Variants in SLCO2A1 observed in about 807,000 individuals in gnomAD.
SLCO2A1 encodes the protein matrin F/G 1.
A neutral mutation model predicts 71.7 loss-of-function variants in SLCO2A1; 60 were observed. That is an observed-to-expected ratio of 0.84 (90% CI 0.68 to 1.04). SLCO2A1 has a LOEUF of 1.04. Among genes scored for constraint, SLCO2A1 ranks in the 50% least tolerant of loss-of-function variants. The pLI is 0.00. For missense variants in SLCO2A1, 745 were observed against 813.4 expected (o/e 0.92, Z 1.02); for synonymous variants, 308 against 326.7 (o/e 0.94, Z 0.62).
intron 1 of SLCO2A1, among the ~76,000 whole-genome samples, chr3:134,000,850 T>C (rs1368128441): frequency 2.6e-5 from 4 of 152,216 alleles, no homozygotes; most frequent in African/African-American, 9.7e-5. Context: ...ACCTTTTGCT[T>C]CTGCTCCCTG....
At chr3:134,013,370 G>A (rs975716482) in intron 1 of SLCO2A1, among the ~76,000 whole-genome samples, 4 of 152,124 alleles carry the variant, frequency 2.6e-5, no homozygotes, top group Admixed American at 1.3e-4. Flanking sequence ...AATCTCTTTG[G>A]CAGCCAAACG....
At chr3:133,967,006 G>T (rs547089498) in intron 3 of SLCO2A1, among the ~76,000 whole-genome samples, 14 of 152,340 alleles carry the variant, frequency 9.2e-5, no homozygotes, top group African/African-American at 3.1e-4. Flanking sequence ...TGGAACAGAA[G>T]CCCGCTTTCC....
chr3:134,002,384 C>G (rs74846945), intron 1 of SLCO2A1, among the ~76,000 whole-genome samples: 1 of 152,128 alleles, frequency 6.6e-6, no homozygotes, highest in African/African-American at 2.4e-5. Context: ...GGGAGGCCTT[C>G]CCTGGCAAAC....
chr3:134,004,012 C>CTGA (rs1576455393), intron 1 of SLCO2A1, among the ~76,000 whole-genome samples: 1 of 152,188 alleles, frequency 6.6e-6, no homozygotes. Context: ...TCATCCCTTC[C>CTGA]TGACTGCCTG....
intron 1 of SLCO2A1, among the ~76,000 whole-genome samples, chr3:133,981,430 A>C (rs749871197): frequency 3.3e-5 from 5 of 152,194 alleles, no homozygotes; most frequent in Non-Finnish European, 5.9e-5. Context: ...AACTGGACTA[A>C]GTCAATGGTT....
chr3:133,994,626 A>C (rs1483607823), intron 1 of SLCO2A1, among the ~76,000 whole-genome samples: 15 of 152,180 alleles, frequency 9.9e-5, no homozygotes. Flanking sequence ...ATCTTCCGCC[A>C]TGTCTCCCAT....
At chr3:133,977,187 G>A (rs1934479992) in intron 2 of SLCO2A1, among the ~76,000 whole-genome samples, 2 of 152,192 alleles carry the variant, frequency 1.3e-5, no homozygotes, top group South Asian at 4.2e-4. Flanking sequence ...ACACACAGAG[G>A]GTTATAAGGT....
chr3:134,021,936 G>A (rs1416070195), intron 1 of SLCO2A1, among the ~76,000 whole-genome samples: 3 of 150,770 alleles, frequency 2.0e-5, no homozygotes, highest in African/African-American at 2.4e-5. Context: ...CCAGTAACCC[G>A]CAGATGGCCC....
intron 1 of SLCO2A1, among the ~76,000 whole-genome samples, chr3:134,000,060 G>A (rs981883012): frequency 3.3e-5 from 5 of 152,242 alleles, no homozygotes; most frequent in African/African-American, 1.2e-4. Context: ...GGACAGCAGA[G>A]GGAGAGACAC....
At chr3:133,986,378 G>A (rs1174769220) in intron 1 of SLCO2A1, among the ~76,000 whole-genome samples, 1 of 152,216 alleles carries the variant, frequency 6.6e-6, no homozygotes, top group Non-Finnish European at 1.5e-5. Flanking sequence ...GTTTGTGTGT[G>A]TGTGCTAATC....
At chr3:134,004,578 C>T (rs1304177123) in intron 1 of SLCO2A1, among the ~76,000 whole-genome samples, 4 of 152,192 alleles carry the variant, frequency 2.6e-5, no homozygotes, top group African/African-American at 9.7e-5. Flanking sequence ...AGGTGAACCA[C>T]CCGCCTCAGC....
At chr3:134,004,622 C>G (rs1378429460) in intron 1 of SLCO2A1, among the ~76,000 whole-genome samples, 2 of 152,172 alleles carry the variant, frequency 1.3e-5, no homozygotes, top group Non-Finnish European at 2.9e-5. Context: ...GTGTGAGCCA[C>G]CACGCCCAGC....
chr3:133,977,590 A>G (rs1934491151), intron 2 of SLCO2A1, among the ~76,000 whole-genome samples: 1 of 152,190 alleles, frequency 6.6e-6, no homozygotes, highest in African/African-American at 2.4e-5. Context: ...ATTAGTAGCA[A>G]GGCCTAGAAT....
chr3:134,013,453 C>T (rs921255214), intron 1 of SLCO2A1, among the ~76,000 whole-genome samples: 5 of 152,220 alleles, frequency 3.3e-5, no homozygotes, highest in Admixed American at 1.3e-4. Context: ...CTTTGCCCCC[C>T]ACCAACAGGG....
rs553513419 is a variant in SLCO2A1 at position 133,955,045 on chromosome 3, G to A, written c.546C>T (p.Ile182=). Residue 182 remains isoleucine (I), a synonymous_variant, in exon 4 of 14, where the codon ATC becomes ATT. Transcript: ENST00000310926. The stretch of plus-strand genomic sequence containing the variant: ...CAAATGGCTGAATAGGCACTGTCCC[G>A]ATGCCAGCCAGCAGCTGGGCAACCA... ...LMVVAQLLAG[I]GTVPIQPFGI... 113 of 1,614,026 alleles carry A rather than the reference G, an allele frequency of 7.0e-5. No homozygotes were observed. Among genetic ancestry groups the A allele is most frequent in the Middle Eastern group, 1.6e-4 (1 of 6,084 alleles).
rs866481768 is a variant in SLCO2A1, at chr3:133,979,352, C to T, written c.234+129G>A. On this transcript the variant is annotated intron_variant, in intron 2 of 13. Transcript: ENST00000310926. ...CACTGGATCTTTGCTGTTTCGTTTG[C>T]TGTTACCCGGCAGAAAGAGGCATTG... The T allele has an allele frequency of 9.4e-5, 111 of 1,184,190 alleles. 1 individual carries two copies. The Middle Eastern group carries it at 0.011, about 114-fold the overall frequency. The allele number at this position is 1,184,190 out of a possible 1,614,324, so 73.4% of individuals were successfully genotyped here. A position where few individuals can be genotyped will look rare whatever the true frequency, so the allele number is the denominator to read the frequency against.
Position 134,029,884 on chromosome 3 carries a change from C to T in SLCO2A1, c.-82G>A, listed in dbSNP as rs919434986. ...GAGCGGCCGGGCGGGTGAGAGGCGA[C>T]CGCGGCGGCAGTGGCCGGAGGAGAT... is the stretch of plus-strand genomic sequence containing the variant. On this transcript the variant is annotated 5_prime_UTR_variant, in exon 1 of 14. Transcript: ENST00000310926. 8.1e-6 allele frequency: 6 copies of T among 740,192 alleles called. No homozygotes were observed. Among genetic ancestry groups the T allele is most frequent in the African/African-American group, 7.4e-5 (4 of 54,070 alleles). The allele number at this position is 740,192 out of a possible 1,614,324, so 45.9% of individuals were successfully genotyped here.
At chr3:133,966,443 G>C (rs1393746722) in intron 3 of SLCO2A1, among the ~76,000 whole-genome samples, 1 of 152,158 alleles carries the variant, frequency 6.6e-6, no homozygotes, top group African/African-American at 2.4e-5. Flanking sequence ...CGATGAGAGG[G>C]GAGTATGGAG....
intron 3 of SLCO2A1, among the ~76,000 whole-genome samples, chr3:133,962,155 C>G (rs1251012520): frequency 6.6e-6 from 1 of 152,180 alleles, no homozygotes; most frequent in Non-Finnish European, 1.5e-5. Flanking sequence ...TCTTGGCTCA[C>G]TGAAACATCT....
Sources: allele counts gnomAD v4.1 joint callset (sites outside exome capture counted in the v4.1 genomes callset), GRCh38; gene constraint gnomAD v4.1.1; transcripts MANE v1.5; gene names NCBI Gene and HGNC (gene_info 2026-07-23, HGNC 2026-07-21).